MAX: variants seen among roughly 807,000 people sequenced by gnomAD.
The protein encoded by MAX is protein max.
MAX carries 3 observed loss-of-function variants against 22.3 expected under a neutral mutation model. That is an observed-to-expected ratio of 0.13 (90% confidence interval 0.06 to 0.35). MAX has a LOEUF of 0.35. Among genes scored for constraint, MAX ranks in the 10% least tolerant of loss-of-function variants. The pLI is 1.00. For missense variants in MAX, 119 were observed against 209.4 expected (o/e 0.57, Z 2.66); for synonymous variants, 72 against 77.7 (o/e 0.93, Z 0.39).
At chr14:65,024,548 T>A (rs999912666) in intron 3 of MAX, among the ~76,000 whole-genome samples, 2 of 152,220 alleles carry the variant, frequency 1.3e-5, no homozygotes, top group African/African-American at 4.8e-5. Flanking sequence ...TAGAAGATAG[T>A]TTCCCACTTT....
intron 3 of MAX, among the ~76,000 whole-genome samples, chr14:65,053,897 G>A (rs998757523): frequency 2.1e-4 from 32 of 152,164 alleles, no homozygotes; most frequent in Non-Finnish European, 1.0e-4. Flanking sequence ...GTATCAGGAA[G>A]GATGTGGCCC....
chr14:65,066,737 C>T (rs2062934179), intron 3 of MAX, among the ~76,000 whole-genome samples: 1 of 151,652 alleles, frequency 6.6e-6, no homozygotes, highest in African/African-American at 2.4e-5. Flanking sequence ...ACCTGTAATC[C>T]TAGCTACTCG....
rs939963379 is a variant in MAX at position 65,082,795 on chromosome 14, T to C, written c.172-4759A>G. Among the ~76,000 whole-genome samples the C allele has an allele frequency of 1.3e-5, 2 of 151,728 alleles. No individual in the cohort carries two copies. The highest frequency in any genetic ancestry group is 2.9e-5 in the Non-Finnish European group (2 of 67,966). ...AAAAAAAAAGTGAAAAATGGTAGTT[T>C]GTAATAGCAGGATAGCAGCATTGAA... On this transcript the variant is annotated intron_variant, in intron 3 of 4. Coordinates refer to ENST00000358664, the MANE Select transcript of MAX (RefSeq NM_002382.5). This position sits in a 1 kb window ranked among gnomAD's most constrained non-coding sequence, Gnocchi z 4.8.
At chr14:65,048,133 C>T (rs944287125) in intron 3 of MAX, among the ~76,000 whole-genome samples, 1 of 151,512 alleles carries the variant, frequency 6.6e-6, no homozygotes, top group African/African-American at 2.4e-5. Context: ...AGGCGTGTAC[C>T]ACCACACCCA....
rs1296477196 is a variant in MAX, at chr14:65,079,374, C to A, written c.172-1338G>T. On this transcript the variant is annotated intron_variant, in intron 3 of 4. Transcript: ENST00000358664. This position sits in a 1 kb window ranked among gnomAD's most constrained non-coding sequence, Gnocchi z 4.5. Reference sequence around the variant, plus strand: ...ATGGCTGTGGGTTGCCTGGGTACTGCCTTGCTAGAGTAAGTTCGTAAGTCA... The same window carrying A: ...ATGGCTGTGGGTTGCCTGGGTACTGACTTGCTAGAGTAAGTTCGTAAGTCA... Among the ~76,000 whole-genome samples the A allele has an allele frequency of 6.6e-6, 1 of 152,190 alleles. No individual in the cohort carries two copies. Among genetic ancestry groups the A allele is most frequent in the Non-Finnish European group, 1.5e-5 (1 of 68,032 alleles).
In MAX at chr14:65,028,775, A is replaced by AAC. The variant is rs2062028151; in HGVS notation, c.172-22492_172-22491insGT. ...ACCAGTAGAACGACTGAGGTAAATC[A>AAC]GTATGTGTTGATTCTTCTTAAGGAA... On this transcript the variant is annotated intron_variant, in intron 3 of 3. Transcript: ENST00000341653. The surrounding 1 kb of genome is among the most constrained non-coding windows in gnomAD (Gnocchi z 4.4). Among the ~76,000 whole-genome samples the AAC allele has an allele frequency of 6.6e-6, 1 of 152,238 alleles. No individual in the cohort carries two copies. The highest frequency in any genetic ancestry group is 6.5e-5 in the Admixed American group (1 of 15,280).
At chr14:65,021,975 C>T in intron 3 of MAX, 1 of 456,040 alleles carries the variant, frequency 2.2e-6, no homozygotes. Flanking sequence ...CCTGACCATT[C>T]TTCCAGAACA....
Position 65,102,365 on chromosome 14 carries a change from T to C in MAX, c.-26A>G, listed in dbSNP as rs752128728. On this transcript the variant is annotated 5_prime_UTR_variant, in exon 1 of 5. Transcript: ENST00000358664. ...TTCCTACGGCCCAGGGAGCGGCCAC[T>C]GCAGCGGCGGCGGGGAGGGGAAGGG... 3 of 1,612,696 alleles carry C rather than the reference T, an allele frequency of 1.9e-6. No individual in the cohort carries two copies. The highest frequency in any genetic ancestry group is 1.7e-5 in the Admixed American group (1 of 59,936).
intron 3 of MAX, among the ~76,000 whole-genome samples, chr14:65,033,402 C>G (rs2062123996): frequency 6.6e-6 from 1 of 152,034 alleles, no homozygotes; most frequent in Non-Finnish European, 1.5e-5. Flanking sequence ...GAGGGGAGAG[C>G]AAAGGAAATG....
At chr14:65,055,352 C>T (rs2062709548) in intron 3 of MAX, among the ~76,000 whole-genome samples, 1 of 152,052 alleles carries the variant, frequency 6.6e-6, no homozygotes. Flanking sequence ...AATCACAGGG[C>T]CCATGCAGAC....
intron 3 of MAX, among the ~76,000 whole-genome samples, chr14:65,040,300 TATATATGTGTATATATGTAC>T (rs986277649): frequency 1.4e-4 from 21 of 149,470 alleles, no homozygotes; most frequent in Non-Finnish European, 2.1e-4. Flanking sequence ...TATATATGTA[TATATATGTGTATATATGTAC>T]ATATATGTAT....
chr14:65,046,994 A>T (rs2062497785), intron 3 of MAX, among the ~76,000 whole-genome samples: 1 of 152,216 alleles, frequency 6.6e-6, no homozygotes, highest in African/African-American at 2.4e-5. Context: ...ATAACAAGTG[A>T]TGAATGGCTA....
chr14:65,063,569 A>T (rs756540114), intron 3 of MAX, among the ~76,000 whole-genome samples: 1 of 152,084 alleles, frequency 6.6e-6, no homozygotes, highest in South Asian at 2.1e-4. Flanking sequence ...AGATTTGTCT[A>T]TTCACTCATT....
rs1224984665 is a variant in MAX, at chr14:65,029,013, CT to C, written c.172-22730del. Among the ~76,000 whole-genome samples, 3 of 151,566 alleles carry C rather than the reference CT, an allele frequency of 2.0e-5. No individual in the cohort carries two copies. The highest frequency in any genetic ancestry group is 4.8e-5 in the African/African-American group (2 of 41,256). On this transcript the variant is annotated intron_variant, in intron 3 of 3. Coordinates refer to the MAX transcript ENST00000341653. The surrounding 1 kb of genome is among the most constrained non-coding windows in gnomAD (Gnocchi z 4.7). ...ATTTGCTATCTTATTCATTCCAGCA[CT>C]TTTTTTTTCCCTATGCTCTTTATTT...
At chr14:65,097,126 C>A (rs1043923304) in intron 2 of MAX, among the ~76,000 whole-genome samples, 1 of 152,206 alleles carries the variant, frequency 6.6e-6, no homozygotes, top group Non-Finnish European at 1.5e-5. Context: ...TATATTTCTA[C>A]CCAACTTTCC....
At chr14:65,070,628 T>C (rs1338582866), downstream of MAX, among the ~76,000 whole-genome samples, 1 of 152,218 alleles carries the variant, frequency 6.6e-6, no homozygotes, top group Non-Finnish European at 1.5e-5. This position sits in a 1 kb window ranked among gnomAD's most constrained non-coding sequence, Gnocchi z 4.4. Flanking sequence ...GTGTTGTGTG[T>C]GCGAGCGTGC....
chr14:65,087,148 G>A (rs750882905), intron 3 of MAX, among the ~76,000 whole-genome samples: 6 of 152,242 alleles, frequency 3.9e-5, no homozygotes, highest in Non-Finnish European at 8.8e-5. Context: ...TCAGAGGATG[G>A]AGTATGGAAA....
chr14:65,090,054 T>C (rs2063457702), intron 3 of MAX: 1 of 152,192 alleles, frequency 6.6e-6, no homozygotes, highest in African/African-American at 2.4e-5. Flanking sequence ...AGAGCAACTA[T>C]GTGAACTCAG....
chr14:65,035,593 G>A (rs1422093736), intron 3 of MAX, among the ~76,000 whole-genome samples: 1 of 151,988 alleles, frequency 6.6e-6, no homozygotes, highest in Non-Finnish European at 1.5e-5. Flanking sequence ...GTAGTGGTGT[G>A]ATCACAGCTC....
Sources: allele counts gnomAD v4.1 joint callset (sites outside exome capture counted in the v4.1 genomes callset), GRCh38; gene constraint gnomAD v4.1.1; non-coding constraint Gnocchi (gnomAD v3.1); transcripts MANE v1.5; gene names NCBI Gene and HGNC (gene_info 2026-07-23, HGNC 2026-07-21).